MYO10: variants seen among roughly 807,000 people sequenced by gnomAD.
MYO10 encodes myosin X.
MYO10 carries 133 observed loss-of-function variants against 257.3 expected under a neutral mutation model. The ratio of observed to expected loss-of-function variants is 0.52; its 90% CI spans 0.45 to 0.60. The LOEUF (loss-of-function observed/expected upper bound fraction) is 0.60, where lower values mean the gene tolerates loss of function less well. Among genes scored for constraint, MYO10 ranks in the 20% least tolerant of loss-of-function variants. The pLI is 0.00. For missense variants in MYO10, 2,399 were observed against 2,635.7 expected (o/e 0.91, Z 1.97); for synonymous variants, 1,104 against 1,028.6 (o/e 1.07, Z -1.40).
At chr5:16,866,053 AC>A (rs1744239463) in intron 2 of MYO10, among the ~76,000 whole-genome samples, 2 of 151,448 alleles carry the variant, frequency 1.3e-5, no homozygotes, top group Admixed American at 6.6e-5. Flanking sequence ...ACACACACAC[AC>A]ACACAAAACA....
intron 19 of MYO10, chr5:16,713,364 C>T (rs1738706483): frequency 2.0e-6 from 2 of 985,772 alleles, no homozygotes; most frequent in Non-Finnish European, 2.4e-6. Flanking sequence ...ATCTCACCTT[C>T]AGTTTGGCTC....
At chr5:16,826,861 G>A (rs1743016527) in intron 2 of MYO10, among the ~76,000 whole-genome samples, 1 of 152,080 alleles carries the variant, frequency 6.6e-6, no homozygotes, top group Admixed American at 6.5e-5. Context: ...TCTGCCTCCT[G>A]ACATATGGCT....
At chr5:16,825,861 C>T (rs978433693) in intron 2 of MYO10, among the ~76,000 whole-genome samples, 1 of 151,490 alleles carries the variant, frequency 6.6e-6, no homozygotes. Context: ...AAAACAAAAC[C>T]AGGCCGGGCA....
At chr5:16,721,689 G>A (rs1021678795) in intron 19 of MYO10, among the ~76,000 whole-genome samples, 1 of 152,096 alleles carries the variant, frequency 6.6e-6, no homozygotes, top group Non-Finnish European at 1.5e-5. Flanking sequence ...CCACATACCC[G>A]CTGAGACTAA....
At position 16,680,031 on chromosome 5, in the gene MYO10, G is replaced by T. The variant is rs371725487; in HGVS notation, c.4458C>A (p.Thr1486=). The change falls in exon 33 of 41, where the codon ACC becomes ACA. Residue 1486 remains threonine, a synonymous_variant. Coordinates refer to ENST00000513610, the MANE Select transcript of MYO10 (RefSeq NM_012334.3). ...CGTTTTGAATGGCACTGGACCACCG[G>T]GTGGCCTCGTTGAGCAGCTTGGTGT... ...RLYTKLLNEA[T]RWSSAIQNVT... The T allele has an allele frequency of 1.2e-6, 2 of 1,613,770 alleles. No individual in the cohort carries two copies. Among genetic ancestry groups the T allele is most frequent in the African/African-American group, 2.7e-5 (2 of 74,926 alleles).
Position 16,714,124 on chromosome 5 carries a change from G to A in MYO10, c.1930-2879C>T, listed in dbSNP as rs114416323. Among the ~76,000 whole-genome samples, 1,204 of 152,262 alleles carry A rather than the reference G, an allele frequency of 7.9e-3. 22 individuals carry two copies. Among genetic ancestry groups the A allele is most frequent in the African/African-American group, 0.027 (1,139 of 41,558 alleles). On this transcript the variant is annotated intron_variant, in intron 19 of 40. Coordinates refer to ENST00000513610, the MANE Select transcript of MYO10 (RefSeq NM_012334.3). ...TCCAAGGACCCTGCAATTTAGGAGGGTGGACAGGTACATCAGTACTTAGAT... is the reference window on the plus strand; with the variant it reads ...TCCAAGGACCCTGCAATTTAGGAGGATGGACAGGTACATCAGTACTTAGAT...
rs369270152 is a variant in MYO10 at position 16,700,923 on chromosome 5, G to A, written c.3432+40C>T. On this transcript the variant is annotated intron_variant, in intron 25 of 40. Coordinates refer to ENST00000513610, the MANE Select transcript of MYO10 (RefSeq NM_012334.3). ...GGATGCAACAGGGGTGGGTGTGACC[G>A]GCCACCCATTTCACTGGGACACGCC... 9.2e-5 allele frequency: 138 copies of A among 1,504,818 alleles called. 1 individual carries two copies. In the African/African-American group the frequency reaches 1.3e-3, roughly 14 times the overall value. The allele number at this position is 1,504,818 out of a possible 1,614,324, so 93.2% of individuals were successfully genotyped here. A position where few individuals can be genotyped will look rare whatever the true frequency, so the allele number is the denominator to read the frequency against.
At chr5:16,740,890 A>C (rs1739994975) in intron 19 of MYO10, among the ~76,000 whole-genome samples, 1 of 152,086 alleles carries the variant, frequency 6.6e-6, no homozygotes, top group Non-Finnish European at 1.5e-5. Flanking sequence ...GATGGCAAAA[A>C]AAAAAAAACC....
intron 2 of MYO10, among the ~76,000 whole-genome samples, chr5:16,843,434 G>A (rs1743542062): frequency 7.7e-6 from 1 of 129,122 alleles, no homozygotes; most frequent in Non-Finnish European, 1.6e-5. Context: ...CTGGCAAGGT[G>A]ATATTCTTAT....
At chr5:16,798,999 T>C (rs1399744327) in intron 3 of MYO10, among the ~76,000 whole-genome samples, 1 of 152,212 alleles carries the variant, frequency 6.6e-6, no homozygotes, top group East Asian at 1.9e-4. Context: ...AAAAATGATA[T>C]GCCCATATCA....
chr5:16,826,046 G>A (rs1742990008), intron 2 of MYO10, among the ~76,000 whole-genome samples: 1 of 152,036 alleles, frequency 6.6e-6, no homozygotes, highest in South Asian at 2.1e-4. Flanking sequence ...TATTTGGGAG[G>A]CAGAGGCAAA....
intron 19 of MYO10, among the ~76,000 whole-genome samples, chr5:16,747,918 C>CAAAAA (rs777257950): frequency 7.2e-4 from 22 of 30,518 alleles, no homozygotes; most frequent in South Asian, 6.0e-3. Flanking sequence ...AACTCCGTCT[C>CAAAAA]AAAAAAAAAA....
chr5:16,784,782 ATG>A (rs1741524842), intron 4 of MYO10, among the ~76,000 whole-genome samples: 1 of 152,328 alleles, frequency 6.6e-6, no homozygotes, highest in Admixed American at 6.5e-5. Context: ...TTTGCTAAAA[ATG>A]TGAATCAATT....
chr5:16,833,561 T>C (rs11740158), intron 2 of MYO10, among the ~76,000 whole-genome samples: 1 of 152,174 alleles, frequency 6.6e-6, no homozygotes, highest in African/African-American at 2.4e-5. Flanking sequence ...AATATAGAAT[T>C]GAAAGGTATT....
In MYO10 at chr5:16,701,850, C is replaced by T. The variant is rs368811805; in HGVS notation, c.2557-12G>A. The stretch of plus-strand genomic sequence containing the variant: ...CTCGTTTCTTCTTCCTGGACAGAAG[C>T]AGAAGGGAGATTTCAGAAGGCTTCA... On this transcript the variant is annotated splice_polypyrimidine_tract_variant and intron_variant, in intron 24 of 40. Coordinates refer to ENST00000513610, the MANE Select transcript of MYO10 (RefSeq NM_012334.3). This position sits in a 1 kb window ranked among gnomAD's most constrained non-coding sequence, Gnocchi z 8.1. 137 of 1,573,906 alleles carry T rather than the reference C, an allele frequency of 8.7e-5. No individual in the cohort carries two copies. In the African/African-American group the frequency reaches 1.7e-3, roughly 20 times the overall value.
intron 2 of MYO10, among the ~76,000 whole-genome samples, chr5:16,855,045 C>CA (rs572481291): frequency 6.7e-6 from 1 of 148,858 alleles, no homozygotes; most frequent in Admixed American, 6.7e-5. Context: ...AAAAAAAAAC[C>CA]AAAAAAACTG....
At chr5:16,700,619 G>A (rs934127867) in intron 25 of MYO10, among the ~76,000 whole-genome samples, 1 of 152,148 alleles carries the variant, frequency 6.6e-6, no homozygotes, top group African/African-American at 2.4e-5. Context: ...GGGGACTGCA[G>A]TGAGGCAAAA....
intron 17 of MYO10, 107 bp from the exon 18 acceptor site, chr5:16,758,333 C>T (rs1740597196): frequency 9.0e-6 from 7 of 775,400 alleles, no homozygotes; most frequent in Admixed American, 4.3e-5. Context: ...CAAAGTAATA[C>T]ACCCTAGGCC....
At chr5:16,846,435 C>A (rs1046052889) in intron 2 of MYO10, among the ~76,000 whole-genome samples, 1 of 152,222 alleles carries the variant, frequency 6.6e-6, no homozygotes, top group Non-Finnish European at 1.5e-5. Flanking sequence ...AAGGCTAACA[C>A]CTGGGCCCGC....
Sources: allele counts gnomAD v4.1 joint callset (sites outside exome capture counted in the v4.1 genomes callset), GRCh38; gene constraint gnomAD v4.1.1; non-coding constraint Gnocchi (gnomAD v3.1); transcripts MANE v1.5; gene names NCBI Gene and HGNC (gene_info 2026-07-23, HGNC 2026-07-21).